Variants in ARHGEF10 observed in about 807,000 individuals in gnomAD.
ARHGEF10 encodes Rho guanine nucleotide exchange factor 10, also known as Rho guanine nucleotide exchange factor (GEF) 10.
Under a neutral mutation model 147.4 loss-of-function variants are expected in ARHGEF10, and 140 were observed. That is an observed-to-expected ratio of 0.95 (90% confidence interval 0.83 to 1.09). The LOEUF is 1.09. Ranked by LOEUF, ARHGEF10 falls within the 50% of genes least tolerant of loss-of-function variation. ARHGEF10 has a pLI of 0.00. For synonymous variants in ARHGEF10, 902 were observed against 695.8 expected, an observed-to-expected ratio of 1.30 and a Z score of -4.67; for missense variants, 2,222 against 1,752.7, an observed-to-expected ratio of 1.27 and a Z score of -4.78.
chr8:1,927,427 GAAA>G (rs1812772267), intron 23 of ARHGEF10: 1 of 151,870 alleles, frequency 6.6e-6, no homozygotes, highest in African/African-American at 2.4e-5. Flanking sequence ...TGGTGGAAAA[GAAA>G]AAGAATCAAT....
intron 5 of ARHGEF10, 59 bp from the exon 6 acceptor site, chr8:1,866,467 C>T: frequency 6.8e-7 from 1 of 1,474,830 alleles, no homozygotes. Context: ...GGGCAGTTGG[C>T]ATCCTAGTGA....
intron 1 of ARHGEF10, among the ~76,000 whole-genome samples, chr8:1,831,523 T>G (rs1004391776): frequency 2.5e-5 from 1 of 39,328 alleles, no homozygotes; most frequent in Non-Finnish European, 5.0e-5. Context: ...CAGTGTGACA[T>G]CCGTGGAGGG....
chr8:1,923,203 A>G (rs2129212193), intron 19 of ARHGEF10, 124 bp downstream of exon 19: 1 of 910,822 alleles, frequency 1.1e-6, no homozygotes, highest in South Asian at 1.5e-5. Context: ...ATTAATCTGA[A>G]TGTACATTTT....
At chr8:1,921,344 G>T (rs1812273488) in intron 18 of ARHGEF10, among the ~76,000 whole-genome samples, 1 of 152,142 alleles carries the variant, frequency 6.6e-6, no homozygotes, top group Admixed American at 6.6e-5. Context: ...TATTATATCT[G>T]TTATATACAC....
intron 25 of ARHGEF10, 40 bp from the exon 26 acceptor site, chr8:1,933,760 G>T: frequency 6.2e-7 from 1 of 1,613,762 alleles, no homozygotes; most frequent in Non-Finnish European, 8.5e-7. Flanking sequence ...CCTGTGCACA[G>T]AAAACTGAAC....
chr8:1,922,479 C>T (rs1179587858), intron 18 of ARHGEF10, among the ~76,000 whole-genome samples: 1 of 152,132 alleles, frequency 6.6e-6, no homozygotes, highest in Non-Finnish European at 1.5e-5. Flanking sequence ...CCAGCATCCT[C>T]CAAAAATGTC....
intron 1 of ARHGEF10, among the ~76,000 whole-genome samples, chr8:1,831,736 G>A (rs1376161580): frequency 1.3e-5 from 2 of 152,352 alleles, no homozygotes; most frequent in Non-Finnish European, 2.9e-5. Flanking sequence ...ACTGCTGTGC[G>A]GGTCGTGCAC....
At chr8:1,913,484 C>A (rs535452864) in intron 18 of ARHGEF10, among the ~76,000 whole-genome samples, 1 of 152,230 alleles carries the variant, frequency 6.6e-6, no homozygotes, top group East Asian at 1.9e-4. Flanking sequence ...GTTATTTAAT[C>A]CTTAAAAATG....
intron 15 of ARHGEF10, among the ~76,000 whole-genome samples, chr8:1,899,445 C>A (rs1810283685): frequency 6.6e-6 from 1 of 152,166 alleles, no homozygotes; most frequent in Non-Finnish European, 1.5e-5. Flanking sequence ...GGAGTCATCG[C>A]CAGAAATGAA....
At chr8:1,908,340 C>T (rs568649219) in intron 17 of ARHGEF10, among the ~76,000 whole-genome samples, 30 of 151,184 alleles carry the variant, frequency 2.0e-4, no homozygotes, top group Non-Finnish European at 3.7e-4. Context: ...ACGCCATTCT[C>T]CTGCCTCAGC....
chr8:1,876,824 C>A (rs1187366219), intron 8 of ARHGEF10, 90 bp downstream of exon 8: 1 of 1,417,232 alleles, frequency 7.1e-7, no homozygotes, highest in East Asian at 2.3e-5. Flanking sequence ...CCTAGTACTT[C>A]ATAGTGATTT....
chr8:1,935,197 T>C (rs1279066891), intron 26 of ARHGEF10, among the ~76,000 whole-genome samples: 1 of 151,954 alleles, frequency 6.6e-6, no homozygotes, highest in African/African-American at 2.4e-5. Context: ...GTACCCCTCC[T>C]CCCACACACG....
Position 1,880,176 on chromosome 8 carries a change from C to T in ARHGEF10, c.960+12C>T, listed in dbSNP as rs1183404330. 10 of 1,585,716 alleles carry T rather than the reference C, an allele frequency of 6.3e-6. No individual in the cohort carries two copies. Among genetic ancestry groups the T allele is most frequent in the Middle Eastern group, 1.7e-4 (1 of 5,800 alleles). ...AGCATGAACTGAAGGTAGAGTCTTG[C>T]CCCCGGCCGCTGCCCCCACTTGCCA... is the stretch of plus-strand genomic sequence containing the variant. On this transcript the variant is annotated intron_variant, in intron 9 of 28. Coordinates refer to ENST00000349830, the MANE Select transcript of ARHGEF10 (RefSeq NM_014629.4).
intron 1 of ARHGEF10, among the ~76,000 whole-genome samples, chr8:1,841,106 T>G (rs1803997687): frequency 6.6e-6 from 1 of 152,252 alleles, no homozygotes; most frequent in Non-Finnish European, 1.5e-5. Flanking sequence ...CCACCCGCCC[T>G]CAGCTGTAGC....
At chr8:1,872,725 G>T (rs910293129) in intron 7 of ARHGEF10, among the ~76,000 whole-genome samples, 1 of 152,192 alleles carries the variant, frequency 6.6e-6, no homozygotes, top group Non-Finnish European at 1.5e-5. Flanking sequence ...AATTAAGGAC[G>T]TGTTCTTAAA....
Position 1,905,728 on chromosome 8 carries a change from A to C in ARHGEF10, c.1967+12A>C, listed in dbSNP as rs1159009371. On this transcript the variant is annotated intron_variant, in intron 17 of 28. Coordinates refer to ENST00000349830, the MANE Select transcript of ARHGEF10 (RefSeq NM_014629.4). ...ACCGTCAGCTCACGGTAAGTGCATA[A>C]ATTCTCTATAGTAGTCCTACCATCA... 4 of 1,612,720 alleles carry C rather than the reference A, an allele frequency of 2.5e-6. No individual in the cohort carries two copies. The Admixed American group carries it at 6.7e-5, about 27-fold the overall frequency.
chr8:1,920,481 C>T (rs1345786933), intron 18 of ARHGEF10, among the ~76,000 whole-genome samples: 1 of 139,164 alleles, frequency 7.2e-6, no homozygotes, highest in East Asian at 2.2e-4. Flanking sequence ...CATCACAATG[C>T]CTGGCTAATT....
intron 3 of ARHGEF10, 127 bp from the exon 4 acceptor site, chr8:1,859,770 A>G: frequency 8.7e-7 from 1 of 1,143,796 alleles, no homozygotes; most frequent in Non-Finnish European, 1.3e-6. Context: ...TGACCTGGGA[A>G]CGTCTAGGGG....
intron 1 of ARHGEF10, among the ~76,000 whole-genome samples, chr8:1,835,011 C>T (rs1338865040): frequency 6.6e-6 from 1 of 152,248 alleles, no homozygotes; most frequent in African/African-American, 2.4e-5. Flanking sequence ...CCAAGCGGGT[C>T]CGCCACAACG....
Sources: allele counts gnomAD v4.1 joint callset (sites outside exome capture counted in the v4.1 genomes callset), GRCh38; gene constraint gnomAD v4.1.1; transcripts MANE v1.5; gene names NCBI Gene and HGNC (gene_info 2026-07-23, HGNC 2026-07-21).